The following LRMDA variants were observed in gnomAD, a reference collection of about 807,000 sequenced individuals.
LRMDA encodes the protein leucine-rich melanocyte differentiation-associated protein.
LRMDA carries 18 observed loss-of-function variants against 29.8 expected under a neutral mutation model. The ratio of observed to expected loss-of-function variants is 0.60; its 90% CI spans 0.42 to 0.90. The LOEUF (loss-of-function observed/expected upper bound fraction) is 0.90. Among genes scored for constraint, LRMDA ranks in the 40% least tolerant of loss-of-function variants. The probability of loss-of-function intolerance (pLI) is 0.00; values close to 1 mark genes in which losing one functional copy is unlikely to be tolerated. For missense variants in LRMDA, 273 were observed against 273.9 expected, an observed-to-expected ratio of 1.00 and a Z score of 0.02; for synonymous variants, 125 against 109.4, an observed-to-expected ratio of 1.14 and a Z score of -0.89.
intron 5 of LRMDA, among the ~76,000 whole-genome samples, chr10:76,128,440 T>A (rs1033749290): frequency 6.6e-6 from 1 of 152,204 alleles, no homozygotes; most frequent in Non-Finnish European, 1.5e-5. Context: ...ATGTGGCCCC[T>A]GACGTCAGCC....
intron 2 of LRMDA, among the ~76,000 whole-genome samples, chr10:76,011,997 G>A (rs958958251): frequency 2.0e-5 from 3 of 152,178 alleles, no homozygotes; most frequent in African/African-American, 4.8e-5. Flanking sequence ...GAGGCTGGCC[G>A]TAGAACTCCA....
At chr10:76,387,429 T>C (rs1841672110) in intron 6 of LRMDA, among the ~76,000 whole-genome samples, 1 of 152,040 alleles carries the variant, frequency 6.6e-6, no homozygotes, top group African/African-American at 2.4e-5. Context: ...GGCAAAACCC[T>C]GTCTCTGCAA....
intron 5 of LRMDA, among the ~76,000 whole-genome samples, chr10:76,300,266 A>G (rs926255067): frequency 6.6e-6 from 1 of 152,222 alleles, no homozygotes; most frequent in African/African-American, 2.4e-5. Context: ...TGGAGGTAGA[A>G]CTTTGTTTTA....
intron 5 of LRMDA, among the ~76,000 whole-genome samples, chr10:76,077,968 C>G (rs1331960229): frequency 7.0e-6 from 1 of 141,892 alleles, no homozygotes; most frequent in Non-Finnish European, 1.5e-5. Context: ...TATTCTCATT[C>G]CTACCCCTAA....
At chr10:76,475,930 G>T (rs1842665177) in intron 6 of LRMDA, among the ~76,000 whole-genome samples, 1 of 152,108 alleles carries the variant, frequency 6.6e-6, no homozygotes, top group Admixed American at 6.6e-5. Flanking sequence ...AGCACTAAAT[G>T]CCCACAAGAG....
At chr10:76,104,657 G>C (rs904390607) in intron 5 of LRMDA, among the ~76,000 whole-genome samples, 2 of 152,042 alleles carry the variant, frequency 1.3e-5, no homozygotes, top group African/African-American at 4.8e-5. Flanking sequence ...CCACACCCCT[G>C]TAAAGAATTT....
intron 5 of LRMDA, among the ~76,000 whole-genome samples, chr10:76,216,216 C>T (rs1459934572): frequency 1.3e-5 from 2 of 152,126 alleles, no homozygotes; most frequent in African/African-American, 4.8e-5. Flanking sequence ...AATAGCTGGA[C>T]ATGGTGGCAT....
At chr10:75,862,178 T>TCA (rs3042514) in intron 2 of LRMDA, among the ~76,000 whole-genome samples, 21,927 of 147,510 alleles carry the variant, frequency 0.15, 1,972 homozygotes, top group East Asian at 0.34. Flanking sequence ...AACCTTGGGT[T>TCA]CACACACACA....
intron 6 of LRMDA, among the ~76,000 whole-genome samples, chr10:76,374,577 C>T (rs144363882): frequency 0.01 from 1,581 of 152,294 alleles, 18 homozygotes; most frequent in Admixed American, 0.024. Flanking sequence ...AAGACACCAA[C>T]GCTCAGTTGA....
intron 2 of LRMDA, among the ~76,000 whole-genome samples, chr10:75,979,781 C>T (rs7917180): frequency 0.32 from 47,895 of 151,838 alleles, 9,191 homozygotes; most frequent in Non-Finnish European, 0.43. Flanking sequence ...CAGCTGTTTC[C>T]CAGGTCCCTT....
At chr10:75,697,850 T>TGTGTGTGTGTGTGTGTGTGTGTGC (rs10664076) in intron 2 of LRMDA, among the ~76,000 whole-genome samples, 24 of 151,704 alleles carry the variant, frequency 1.6e-4, no homozygotes, top group African/African-American at 5.1e-4. Context: ...TGTGTGTGTG[T>TGTGTGTGTGTGTGTGTGTGTGTGC]GCGTGTGTGT....
At chr10:75,776,677 TAGAG>T (rs927277031) in intron 2 of LRMDA, among the ~76,000 whole-genome samples, 19 of 152,338 alleles carry the variant, frequency 1.2e-4, no homozygotes, top group Non-Finnish European at 2.2e-4. Context: ...TACCCTGTCT[TAGAG>T]AGAAGAAAAG....
At chr10:75,730,683 C>G (rs1314229253) in intron 2 of LRMDA, among the ~76,000 whole-genome samples, 2 of 152,180 alleles carry the variant, frequency 1.3e-5, no homozygotes, top group Non-Finnish European at 1.5e-5. Flanking sequence ...TCCCCACACC[C>G]TGGGCTTTTT....
intron 2 of LRMDA, among the ~76,000 whole-genome samples, chr10:75,482,869 A>G (rs532912124): frequency 6.6e-6 from 1 of 152,244 alleles, no homozygotes; most frequent in Admixed American, 6.5e-5. Context: ...AATCATGGGG[A>G]AAACATATTC....
intron 2 of LRMDA, among the ~76,000 whole-genome samples, chr10:75,508,679 AT>A (rs1486283963): frequency 6.6e-6 from 1 of 152,190 alleles, no homozygotes; most frequent in Non-Finnish European, 1.5e-5. Context: ...TCCAAATTGA[AT>A]TCCTACAGTG....
At chr10:76,347,195 C>G (rs1326540515) in intron 6 of LRMDA, among the ~76,000 whole-genome samples, 1 of 152,196 alleles carries the variant, frequency 6.6e-6, no homozygotes, top group African/African-American at 2.4e-5. Context: ...TCCCTATATA[C>G]TGATTCCAAA....
intron 2 of LRMDA, among the ~76,000 whole-genome samples, chr10:75,621,236 A>C (rs12766613): frequency 6.7e-6 from 1 of 149,836 alleles, no homozygotes; most frequent in Non-Finnish European, 1.5e-5. Context: ...CCACACACCC[A>C]CACACACACC....
chr10:75,765,564 C>T, intron 2 of LRMDA, among the ~76,000 whole-genome samples: 1 of 151,848 alleles, frequency 6.6e-6, no homozygotes, highest in East Asian at 1.9e-4. Context: ...TGAATTTTTT[C>T]TAAGGCCTCT....
chr10:75,786,033 C>T (rs1260375808), intron 2 of LRMDA, among the ~76,000 whole-genome samples: 2 of 152,160 alleles, frequency 1.3e-5, no homozygotes, highest in African/African-American at 4.8e-5. Flanking sequence ...TCAAGGCCCA[C>T]TAGACATTGT....
Sources: allele counts gnomAD v4.1 joint callset (sites outside exome capture counted in the v4.1 genomes callset), GRCh38; gene constraint gnomAD v4.1.1; transcripts MANE v1.5; gene names NCBI Gene and HGNC (gene_info 2026-07-23, HGNC 2026-07-21).